ADCY5: variants seen among roughly 807,000 people sequenced by gnomAD.
ADCY5 encodes the protein adenylate cyclase type 5.
Under a neutral mutation model 119.7 loss-of-function variants are expected in ADCY5, and 30 were observed. The observed-to-expected ratio is 0.25, with a 90% CI of 0.19 to 0.34. The LOEUF is 0.34. ADCY5 is among the 10% of genes least tolerant of loss of function. ADCY5 has a pLI of 1.00. For synonymous variants in ADCY5, 753 were observed against 762.2 expected, an observed-to-expected ratio of 0.99 and a Z score of 0.20; for missense variants, 1,324 against 1,775.2, an observed-to-expected ratio of 0.75 and a Z score of 4.57.
intron 6 of ADCY5, 100 bp from the exon 7 acceptor site, chr3:123,327,859 A>G: frequency 7.2e-7 from 1 of 1,391,528 alleles, no homozygotes; most frequent in Non-Finnish European, 9.9e-7. Context: ...GTTCACCACA[A>G]TTCAAACCCT....
chr3:123,363,362 A>T (rs1182308851), intron 1 of ADCY5, among the ~76,000 whole-genome samples: 1 of 152,196 alleles, frequency 6.6e-6, no homozygotes, highest in Non-Finnish European at 1.5e-5. Context: ...CAAGAATGCA[A>T]TGGAATAGGC....
intron 1 of ADCY5, among the ~76,000 whole-genome samples, chr3:123,428,045 T>A (rs1359420088): frequency 6.6e-6 from 1 of 152,158 alleles, no homozygotes; most frequent in Non-Finnish European, 1.5e-5. Context: ...ACTAGGAGGA[T>A]CAACGGACAG....
intron 1 of ADCY5, among the ~76,000 whole-genome samples, chr3:123,435,234 C>A (rs543012843): frequency 2.0e-5 from 3 of 152,080 alleles, no homozygotes; most frequent in African/African-American, 7.2e-5. Flanking sequence ...TGCAATGAGC[C>A]GTGATTGCAC....
At chr3:123,417,130 G>C (rs1273786978) in intron 1 of ADCY5, among the ~76,000 whole-genome samples, 1 of 152,014 alleles carries the variant, frequency 6.6e-6, no homozygotes, top group Non-Finnish European at 1.5e-5. Flanking sequence ...CGAGAGAGCT[G>C]AGAGCCAAAG....
At chr3:123,359,430 G>A (rs1395086858) in intron 1 of ADCY5, among the ~76,000 whole-genome samples, 1 of 147,930 alleles carries the variant, frequency 6.8e-6, no homozygotes, top group East Asian at 2.0e-4. Context: ...CCTACCAGGG[G>A]TCCTTTTCAA....
chr3:123,328,582 C>A, intron 6 of ADCY5, 62 bp downstream of exon 6: 2 of 1,586,702 alleles, frequency 1.3e-6, no homozygotes, highest in Non-Finnish European at 1.7e-6. Flanking sequence ...GGATGGTCAC[C>A]CTGGGTGGGC....
intron 1 of ADCY5, among the ~76,000 whole-genome samples, chr3:123,445,970 C>T (rs1478855589): frequency 6.6e-6 from 1 of 152,112 alleles, no homozygotes; most frequent in Non-Finnish European, 1.5e-5. Flanking sequence ...CAGAAGACCA[C>T]GAGGTCAGTG....
chr3:123,307,744 T>G (rs2108285841), intron 12 of ADCY5, among the ~76,000 whole-genome samples: 3 of 152,342 alleles, frequency 2.0e-5, no homozygotes, highest in Middle Eastern at 6.8e-3. Flanking sequence ...TTCATCATTT[T>G]GCAATCACCA....
chr3:123,310,114 AC>A (rs2108297787), intron 12 of ADCY5, among the ~76,000 whole-genome samples: 1 of 142,658 alleles, frequency 7.0e-6, no homozygotes, highest in Non-Finnish European at 1.5e-5. Context: ...ACACACACAC[AC>A]ACACACACAC....
At chr3:123,408,355 T>A in intron 1 of ADCY5, among the ~76,000 whole-genome samples, 1 of 151,986 alleles carries the variant, frequency 6.6e-6, no homozygotes, top group East Asian at 1.9e-4. Context: ...GTTTTTTTTT[T>A]TTTTTTTAAA....
At chr3:123,371,113 G>A (rs2107531626) in intron 1 of ADCY5, among the ~76,000 whole-genome samples, 1 of 152,318 alleles carries the variant, frequency 6.6e-6, no homozygotes, top group Middle Eastern at 3.4e-3. Flanking sequence ...GCGGCCCAGA[G>A]GAAAGAAGGA....
At chr3:123,400,937 G>A (rs188509966) in intron 1 of ADCY5, among the ~76,000 whole-genome samples, 7 of 150,376 alleles carry the variant, frequency 4.7e-5, no homozygotes, top group African/African-American at 9.8e-5. Context: ...ACAAAACTCC[G>A]TCTCAAAAAA....
chr3:123,301,188 T>A (rs1412516556), intron 14 of ADCY5, among the ~76,000 whole-genome samples: 2 of 152,128 alleles, frequency 1.3e-5, no homozygotes, highest in Admixed American at 1.3e-4. Flanking sequence ...TTATTATTAT[T>A]ACTATTTTAA....
chr3:123,320,844 G>A (rs1941184201), intron 8 of ADCY5, 73 bp from the exon 9 acceptor site: 1 of 1,135,236 alleles, frequency 8.8e-7, no homozygotes, highest in Non-Finnish European at 1.3e-6. Context: ...GAGGCGTCTA[G>A]ATGGCTGCAG....
intron 1 of ADCY5, among the ~76,000 whole-genome samples, chr3:123,396,057 G>GGAGA (rs1559859658): frequency 1.8e-4 from 11 of 61,676 alleles, no homozygotes; most frequent in African/African-American, 6.3e-4. Context: ...AGAGAGGGAG[G>GGAGA]GAGGGTGGGA....
intron 1 of ADCY5, among the ~76,000 whole-genome samples, chr3:123,360,513 A>C (rs1438558294): frequency 2.0e-5 from 3 of 151,972 alleles, no homozygotes; most frequent in African/African-American, 4.8e-5. Context: ...ACCTGCCAGG[A>C]CTCTCCATTA....
chr3:123,356,633 A>G (rs1381836226), intron 1 of ADCY5, among the ~76,000 whole-genome samples: 2 of 152,244 alleles, frequency 1.3e-5, no homozygotes, highest in Non-Finnish European at 2.9e-5. Flanking sequence ...GTACTATCAC[A>G]CACTATTAGA....
In ADCY5 at chr3:123,448,258, G is replaced by A. The variant is rs773970900; in HGVS notation, c.288C>T (p.Ser96=). The A allele has an allele frequency of 4.0e-6, 6 of 1,504,146 alleles. No homozygotes were observed. Among genetic ancestry groups the A allele is most frequent in the Admixed American group, 2.1e-5 (1 of 47,996 alleles). The allele number at this position is 1,504,146 out of a possible 1,614,324, so 93.2% of individuals were successfully genotyped here. A position where few individuals can be genotyped will look rare whatever the true frequency, so the allele number is the denominator to read the frequency against. ...DDPLAGGFGF[S]FRSKSAWQER... The stretch of plus-strand genomic sequence containing the variant: ...CCTGCCAGGCGGACTTGGAGCGGAA[G>A]CTGAAGCCGAAGCCCCCGGCCAGGG... Residue 96 remains serine (S), a synonymous_variant, in exon 1 of 21, where the codon AGC becomes AGT. Transcript: ENST00000462833.
rs891607705 is a variant in ADCY5, at chr3:123,283,934, C to A, written c.*674G>T. 2.0e-5 allele frequency: 3 copies of A among 152,182 alleles called. No individual in the cohort carries two copies. The highest frequency in any genetic ancestry group is 2.9e-5 in the Non-Finnish European group (2 of 68,048). 9.4% of individuals were successfully genotyped at this position (152,182 alleles called of 1,614,324 possible). A position where few individuals can be genotyped will look rare whatever the true frequency, so the allele number is the denominator to read the frequency against. On this transcript the variant is annotated 3_prime_UTR_variant, in exon 21 of 21. Coordinates refer to ENST00000462833, the MANE Select transcript of ADCY5 (RefSeq NM_183357.3). ...AACTAGCATAGTCTAAAGAAGGGCA[C>A]GGAGAACTTGTTTTGTTTTATTTAA... is the stretch of plus-strand genomic sequence containing the variant.
Sources: allele counts gnomAD v4.1 joint callset (sites outside exome capture counted in the v4.1 genomes callset), GRCh38; gene constraint gnomAD v4.1.1; transcripts MANE v1.5; gene names NCBI Gene and HGNC (gene_info 2026-07-23, HGNC 2026-07-21).